PXDNL: variants seen among roughly 807,000 people sequenced by gnomAD.
PXDNL encodes the protein peroxidasin like.
PXDNL carries 145 observed loss-of-function variants against 150.8 expected under a neutral mutation model. That is an observed-to-expected ratio of 0.96 (90% CI 0.84 to 1.10). The LOEUF is 1.10. Among genes scored for constraint, PXDNL ranks in the 50% least tolerant of loss-of-function variants. The pLI is 0.00. For missense variants in PXDNL, 2,087 were observed against 1,873.9 expected, an observed-to-expected ratio of 1.11 and a Z score of -2.10; for synonymous variants, 757 against 725.7, an observed-to-expected ratio of 1.04 and a Z score of -0.69.
chr8:51,734,914 G>A (rs1406139041), intron 1 of PXDNL, among the ~76,000 whole-genome samples: 2 of 152,162 alleles, frequency 1.3e-5, no homozygotes, highest in Non-Finnish European at 2.9e-5. Context: ...GAGAGATTGG[G>A]GAGATGTTGA....
chr8:51,711,665 T>C (rs1181725082), intron 1 of PXDNL, among the ~76,000 whole-genome samples: 3 of 152,272 alleles, frequency 2.0e-5, no homozygotes, highest in African/African-American at 7.2e-5. Context: ...TTACTTTTGT[T>C]AAGTGACTTT....
At chr8:51,446,454 G>C (rs1037274634) in intron 12 of PXDNL, among the ~76,000 whole-genome samples, 3 of 152,026 alleles carry the variant, frequency 2.0e-5, no homozygotes, top group Non-Finnish European at 4.4e-5. Flanking sequence ...TTTTATATTG[G>C]AATTATCTTT....
At chr8:51,613,074 G>A (rs898251627) in intron 2 of PXDNL, among the ~76,000 whole-genome samples, 2 of 152,130 alleles carry the variant, frequency 1.3e-5, no homozygotes, top group Non-Finnish European at 2.9e-5. Context: ...GGGAGAGGAA[G>A]CATCAGAAGG....
intron 5 of PXDNL, among the ~76,000 whole-genome samples, chr8:51,493,447 G>A (rs958432967): frequency 4.6e-5 from 7 of 152,164 alleles, no homozygotes; most frequent in Non-Finnish European, 1.0e-4. Flanking sequence ...GACTTTTGAC[G>A]AATTGAGAGA....
chr8:51,617,751 A>G (rs1259305116), intron 2 of PXDNL, among the ~76,000 whole-genome samples: 2 of 152,214 alleles, frequency 1.3e-5, no homozygotes, highest in Non-Finnish European at 2.9e-5. Flanking sequence ...TGAAACAAGC[A>G]CAGTAATTTA....
intron 14 of PXDNL, among the ~76,000 whole-genome samples, chr8:51,415,561 A>G (rs556705669): frequency 3.5e-4 from 53 of 152,306 alleles, no homozygotes; most frequent in Middle Eastern, 3.4e-3. Flanking sequence ...CCCCTCCTCC[A>G]ACACTGGGGA....
intron 8 of PXDNL, among the ~76,000 whole-genome samples, chr8:51,467,493 T>G (rs1422082864): frequency 6.6e-6 from 1 of 152,006 alleles, no homozygotes; most frequent in Non-Finnish European, 1.5e-5. Flanking sequence ...GGGACATAAG[T>G]GTTGAAAAAC....
At chr8:51,403,986 G>C (rs1808353589) in intron 17 of PXDNL, among the ~76,000 whole-genome samples, 2 of 152,308 alleles carry the variant, frequency 1.3e-5, no homozygotes, top group East Asian at 1.9e-4. Flanking sequence ...CTGGCTTCAA[G>C]AGTGAAATTG....
chr8:51,408,964 A>C lies in PXDNL; in HGVS notation c.2660T>G (p.Ile887Ser). 1 of 1,612,496 alleles carries C rather than the reference A, an allele frequency of 6.2e-7. No homozygotes were observed. The highest frequency in any genetic ancestry group is 1.1e-5 in the South Asian group (1 of 91,076). Residue 887 changes from isoleucine (I) to serine (S), a missense_variant, in exon 17 of 23, where the codon ATC becomes AGC. Physicochemically the swap from Ile to Ser is moderately radical, Grantham distance 142. Coordinates refer to ENST00000356297, the MANE Select transcript of PXDNL (RefSeq NM_144651.5). Reference protein sequence around the residue: ...TVDSVYAREQINQQTAYIDGS... With the variant: ...TVDSVYAREQSNQQTAYIDGS... Reference sequence around the variant, plus strand: ...ATCGATGTAGGCTGTTTGCTGGTTGATCTGCTCTCGTGCATAGACTGAATC... The same window carrying C: ...ATCGATGTAGGCTGTTTGCTGGTTGCTCTGCTCTCGTGCATAGACTGAATC...
At chr8:51,329,644 G>A (rs1406589291) in intron 21 of PXDNL, among the ~76,000 whole-genome samples, 5 of 152,044 alleles carry the variant, frequency 3.3e-5, no homozygotes, top group Admixed American at 2.6e-4. Context: ...GAAAAAGTAG[G>A]CAACATTCAG....
At chr8:51,774,169 A>G (rs2037327822) in intron 1 of PXDNL, among the ~76,000 whole-genome samples, 1 of 152,200 alleles carries the variant, frequency 6.6e-6, no homozygotes, top group African/African-American at 2.4e-5. Flanking sequence ...CTTTCATTTT[A>G]TAATATTCAA....
intron 19 of PXDNL, among the ~76,000 whole-genome samples, chr8:51,347,330 T>A (rs3097706): frequency 0.66 from 100,389 of 152,070 alleles, 35,980 homozygotes; most frequent in East Asian, 0.94. Context: ...AAATTTAGGA[T>A]GATTTTTAAA....
At chr8:51,514,704 C>T (rs1811498674) in intron 4 of PXDNL, among the ~76,000 whole-genome samples, 1 of 152,292 alleles carries the variant, frequency 6.6e-6, no homozygotes, top group African/African-American at 2.4e-5. Context: ...CCCACATCCA[C>T]TATGCCACTC....
At chr8:51,644,796 A>T (rs1369574606) in intron 2 of PXDNL, among the ~76,000 whole-genome samples, 2 of 152,012 alleles carry the variant, frequency 1.3e-5, no homozygotes, top group East Asian at 3.9e-4. Flanking sequence ...CTATAGTAGC[A>T]GCAGCAGCGT....
chr8:51,572,074 C>T (rs945939447), intron 3 of PXDNL, among the ~76,000 whole-genome samples: 2 of 135,722 alleles, frequency 1.5e-5, no homozygotes, highest in African/African-American at 5.5e-5. Flanking sequence ...ATCAAAAATG[C>T]ACTTTCTACT....
At chr8:51,526,086 A>G (rs1002595968) in intron 4 of PXDNL, among the ~76,000 whole-genome samples, 3 of 152,174 alleles carry the variant, frequency 2.0e-5, no homozygotes, top group Non-Finnish European at 4.4e-5. Flanking sequence ...CTGAAATGCC[A>G]TCATTTTACT....
chr8:51,478,418 A>G (rs918273318), intron 6 of PXDNL, among the ~76,000 whole-genome samples: 1 of 152,248 alleles, frequency 6.6e-6, no homozygotes, highest in Non-Finnish European at 1.5e-5. Context: ...AAGTGGTGCT[A>G]GGTAAATTAA....
At chr8:51,577,812 A>G (rs1340575572) in intron 3 of PXDNL, among the ~76,000 whole-genome samples, 3 of 150,370 alleles carry the variant, frequency 2.0e-5, no homozygotes, top group African/African-American at 7.3e-5. Context: ...CTCTAAGGTC[A>G]GGAGCAAGGC....
chr8:51,671,956 G>A (rs4577950), intron 1 of PXDNL, among the ~76,000 whole-genome samples: 142,522 of 152,314 alleles, frequency 0.94, 66,789 homozygotes, highest in East Asian at 1. Flanking sequence ...TGGTTTCACC[G>A]AGAATAAATT....
Sources: allele counts gnomAD v4.1 joint callset (sites outside exome capture counted in the v4.1 genomes callset), GRCh38; gene constraint gnomAD v4.1.1; transcripts MANE v1.5; gene names NCBI Gene and HGNC (gene_info 2026-07-23, HGNC 2026-07-21).